BIRC6: variants seen among roughly 807,000 people sequenced by gnomAD.
BIRC6 encodes dual E2 ubiquitin-conjugating enzyme/E3 ubiquitin-protein ligase BIRC6.
In BIRC6, 98 loss-of-function variants were observed where a neutral mutation model predicts 503.3. That is an observed-to-expected ratio of 0.19 (90% CI 0.17 to 0.23). The LOEUF (loss-of-function observed/expected upper bound fraction) is 0.23, where lower values mean the gene tolerates loss of function less well. Ranked by LOEUF, BIRC6 falls within the 10% of genes least tolerant of loss-of-function variation. The pLI is 1.00. For synonymous variants in BIRC6, 2,240 were observed against 2,078.7 expected (o/e 1.08, Z -2.11); for missense variants, 5,360 against 5,806.0 (o/e 0.92, Z 2.50).
intron 9 of BIRC6, among the ~76,000 whole-genome samples, chr2:32,413,359 T>C (rs1462405938): frequency 6.6e-6 from 1 of 151,984 alleles, no homozygotes. Context: ...TTTGCATTTT[T>C]AGTAGAAATG....
chr2:32,577,705 T>C (rs751249105), intron 66 of BIRC6, among the ~76,000 whole-genome samples: 5 of 152,234 alleles, frequency 3.3e-5, no homozygotes, highest in Non-Finnish European at 4.4e-5. Flanking sequence ...CATAACACTG[T>C]ATAATTTTTT....
intron 3 of BIRC6, among the ~76,000 whole-genome samples, chr2:32,384,591 A>G (rs940047265): frequency 6.6e-6 from 1 of 152,128 alleles, no homozygotes. Flanking sequence ...CGTATAATCA[A>G]CCTACTGTCA....
At chr2:32,423,678 C>G (rs554501272) in intron 10 of BIRC6, among the ~76,000 whole-genome samples, 1 of 152,150 alleles carries the variant, frequency 6.6e-6, no homozygotes, top group African/African-American at 2.4e-5. Flanking sequence ...CCATCCACCC[C>G]CCCAATCCCT....
chr2:32,411,986 C>G (rs2041942134), intron 9 of BIRC6, among the ~76,000 whole-genome samples: 1 of 151,946 alleles, frequency 6.6e-6, no homozygotes, highest in Non-Finnish European at 1.5e-5. Context: ...TACTGTGTTG[C>G]TGAGGCTGGT....
intron 10 of BIRC6, among the ~76,000 whole-genome samples, chr2:32,426,966 C>T (rs920874474): frequency 2.0e-5 from 3 of 152,170 alleles, no homozygotes; most frequent in African/African-American, 7.2e-5. Flanking sequence ...CTCTGGTCTC[C>T]ATTGTTTCTC....
In BIRC6 at chr2:32,543,373, C is replaced by T. The variant is rs2057819247; in HGVS notation, c.12424C>T (p.Pro4142Ser). The change falls in exon 62 of 74, where the codon CCT (proline) becomes TCT (serine). Residue 4142 changes from proline (P) to serine (S), a missense_variant. This residue lies in a region of BIRC6 where 477 missense variants were observed against 574.4 expected (regional missense o/e 0.83). Coordinates refer to ENST00000421745, the MANE Select transcript of BIRC6 (RefSeq NM_016252.4). ...AGAAACTGTTGCGGCTGAACCTCCA[C>T]CTATCAAGTCAGCAGTACAGACCAT... ...APETVAAEPP[P>S]IKSAVQTMSP... The T allele has an allele frequency of 1.2e-6, 2 of 1,613,982 alleles. No homozygotes were observed. Among genetic ancestry groups the T allele is most frequent in the East Asian group, 2.2e-5 (1 of 44,874 alleles).
At chr2:32,493,714 A>G (rs1014041798) in intron 45 of BIRC6, 47 bp downstream of exon 45, 6 of 1,400,816 alleles carry the variant, frequency 4.3e-6, no homozygotes, top group African/African-American at 1.4e-5. Context: ...AGTAACATGT[A>G]ATTCTCCAAA....
chr2:32,545,994 A>G, intron 63 of BIRC6, 134 bp downstream of exon 63: 1 of 826,138 alleles, frequency 1.2e-6, no homozygotes, highest in Non-Finnish European at 1.8e-6. Context: ...GATATTTAAA[A>G]CAGAAATTGT....
In BIRC6 at chr2:32,389,863, AT is replaced by A. The variant is rs1311770533; in HGVS notation, c.839+935del. ...AACCGTCCACCACCATGCATGGCTG[AT>A]TTTTTTTTTTTTTTGAGATAGAGTT... On this transcript the variant is annotated intron_variant, in intron 4 of 73. Coordinates refer to ENST00000421745, the MANE Select transcript of BIRC6 (RefSeq NM_016252.4). 2.7e-3 allele frequency among the ~76,000 whole-genome samples: 372 copies of A among 139,834 alleles called. 1 individual carries two copies. Among genetic ancestry groups the A allele is most frequent in the Admixed American group, 2.6e-3 (36 of 13,976 alleles). The allele number at this position is 139,834 out of a possible 152,430, so 91.7% of individuals were successfully genotyped here. A position where few individuals can be genotyped will look rare whatever the true frequency, so the allele number is the denominator to read the frequency against.
intron 21 of BIRC6, among the ~76,000 whole-genome samples, chr2:32,448,246 C>T (rs1160033585): frequency 1.6e-4 from 15 of 92,896 alleles, no homozygotes; most frequent in African/African-American, 3.9e-4. Context: ...ACTTCCCAGA[C>T]GGGGTGGCGG....
chr2:32,462,197 A>G (rs571672495), intron 23 of BIRC6, among the ~76,000 whole-genome samples: 14 of 152,310 alleles, frequency 9.2e-5, no homozygotes, highest in East Asian at 3.9e-4. Flanking sequence ...TTTTCCCTCA[A>G]TGTAACTTTG....
intron 3 of BIRC6, among the ~76,000 whole-genome samples, chr2:32,387,458 G>A (rs2038635458): frequency 6.6e-6 from 1 of 152,100 alleles, no homozygotes; most frequent in Non-Finnish European, 1.5e-5. Context: ...ATATAAAGAT[G>A]CAATTACATT....
chr2:32,482,804 G>A (rs2050557642), intron 39 of BIRC6, among the ~76,000 whole-genome samples: 3 of 152,114 alleles, frequency 2.0e-5, no homozygotes, highest in Middle Eastern at 3.4e-3. Context: ...AGTGTTGTAT[G>A]GGATTGGCAA....
chr2:32,488,590 G>T lies in BIRC6; in HGVS notation c.7971G>T (p.Leu2657Phe). The part of the protein sequence containing the change: ...FSMLQVHHVQ[L>F]ESLLQLWLTL... ...TGTTGATTTTCATTCTTTTTCAGTT[G>T]GAGTCACTTCTCCAATTGTGGCTCA... is the stretch of plus-strand genomic sequence containing the variant. Residue 2657 changes from leucine (L) to phenylalanine (F), a missense_variant and splice_region_variant, in exon 42 of 74, where the codon TTG becomes TTT. By Grantham distance (22) the Leu-to-Phe change is conservative. Transcript: ENST00000421745. 6.6e-7 allele frequency: 1 copy of T among 1,517,000 alleles called. No individual in the cohort carries two copies. The allele number at this position is 1,517,000 out of a possible 1,614,324, so 94.0% of individuals were successfully genotyped here. A position where few individuals can be genotyped will look rare whatever the true frequency, so the allele number is the denominator to read the frequency against.
intron 69 of BIRC6, among the ~76,000 whole-genome samples, chr2:32,599,531 A>C (rs934708774): frequency 1.4e-5 from 2 of 146,636 alleles, no homozygotes; most frequent in Admixed American, 6.8e-5. Flanking sequence ...CCAGCTATTC[A>C]GGAGGCTGAG....
chr2:32,474,559 G>A (rs1377131332), intron 33 of BIRC6, among the ~76,000 whole-genome samples: 1 of 152,110 alleles, frequency 6.6e-6, no homozygotes, highest in Non-Finnish European at 1.5e-5. Context: ...TCATTTTGAT[G>A]GTTGTAACTG....
Position 32,415,960 on chromosome 2 carries a change from A to G in BIRC6, c.2669A>G (p.Glu890Gly), listed in dbSNP as rs1226441081. ...CAGTTAACCTCAAAGAATGGTTTTG[A>G]GAGAGAAAAAACGTCTGACATTTCT... is the stretch of plus-strand genomic sequence containing the variant. ...DMQLTSKNGF[E>G]REKTSDISTL... Residue 890 changes from glutamate (E) to glycine (G), a missense_variant, in exon 10 of 74, where the codon GAG becomes GGG. Physicochemically the swap from Glu to Gly is moderately conservative, Grantham distance 98. Transcript: ENST00000421745. 1.2e-6 allele frequency: 2 copies of G among 1,613,830 alleles called. No homozygotes were observed. The highest frequency in any genetic ancestry group is 1.7e-5 in the Admixed American group (1 of 60,000).
At chr2:32,456,874 A>T (rs756617170) in intron 23 of BIRC6, among the ~76,000 whole-genome samples, 1 of 152,138 alleles carries the variant, frequency 6.6e-6, no homozygotes. Context: ...TGAGACCATC[A>T]TATAAATTTA....
At chr2:32,414,129 T>G (rs2042177896) in intron 9 of BIRC6, among the ~76,000 whole-genome samples, 2 of 151,366 alleles carry the variant, frequency 1.3e-5, no homozygotes, top group South Asian at 4.2e-4. Flanking sequence ...ATGTCTCTAC[T>G]GAAAATACAA....
Sources: allele counts gnomAD v4.1 joint callset (sites outside exome capture counted in the v4.1 genomes callset), GRCh38; gene constraint gnomAD v4.1.1; regional missense constraint gnomAD v4.1.1; transcripts MANE v1.5; gene names NCBI Gene and HGNC (gene_info 2026-07-23, HGNC 2026-07-21).